Variants in KLHL4 observed in about 807,000 individuals in gnomAD.
KLHL4 encodes kelch like family member 4.
A neutral mutation model predicts 45.8 loss-of-function variants in KLHL4; 17 were observed. The observed-to-expected ratio is 0.37, with a 90% CI of 0.25 to 0.56. The LOEUF (loss-of-function observed/expected upper bound fraction) is 0.56, where lower values mean the gene tolerates loss of function less well. KLHL4 is among the 20% of genes least tolerant of loss of function. The pLI, the probability that KLHL4 is intolerant of heterozygous loss-of-function variation, is 0.79. For missense variants in KLHL4, 544 were observed against 544.9 expected (o/e 1.00, Z 0.02); for synonymous variants, 224 against 189.9 (o/e 1.18, Z -1.47).
rs1271826838 is a variant in KLHL4 at position 87,667,863 on chromosome X, G to A, written c.*1329G>A. ...CTACTAGCTTTTAAGTTTTAAGAAA[G>A]AAGAACGTAAGTTGTACAAAGATAT... On this transcript the variant is annotated 3_prime_UTR_variant, in exon 11 of 11. Transcript: ENST00000373119. 1.2e-5 allele frequency: 8 copies of A among 672,508 alleles called. No homozygotes were observed. The East Asian group carries it at 9.7e-4, about 81-fold the overall frequency. 55.4% of individuals were successfully genotyped at this position (672,508 alleles called of 1,213,427 possible).
At chrX:87,655,623 C>CT (rs941607153) in intron 9 of KLHL4, among the ~76,000 whole-genome samples, 1 of 109,302 alleles carries the variant, frequency 9.1e-6, no homozygotes, top group Non-Finnish European at 1.9e-5. Context: ...TGGTCGGATC[C>CT]TTTTTTTTAA....
chrX:87,522,803 A>G (rs1487299678), intron 1 of KLHL4, among the ~76,000 whole-genome samples: 2 of 112,249 alleles, frequency 1.8e-5, no homozygotes, highest in African/African-American at 6.5e-5. Context: ...ATTTTTAGAG[A>G]TGAAAGCTTT....
At chrX:87,633,667 G>T in intron 7 of KLHL4, 82 bp from the exon 8 acceptor site, 2 of 819,315 alleles carry the variant, frequency 2.4e-6, no homozygotes, top group Non-Finnish European at 3.4e-6. Context: ...AAAAATTTAA[G>T]CAGTTAATTG....
At chrX:87,521,259 A>C (rs1286963777) in intron 1 of KLHL4, among the ~76,000 whole-genome samples, 1 of 112,013 alleles carries the variant, frequency 8.9e-6, no homozygotes, top group Non-Finnish European at 1.9e-5. Context: ...TCCAAGTTTC[A>C]AGTGAGGTTT....
intron 1 of KLHL4, among the ~76,000 whole-genome samples, chrX:87,581,100 A>C (rs1431575380): frequency 8.9e-6 from 1 of 112,498 alleles, no homozygotes; most frequent in Non-Finnish European, 1.9e-5. Context: ...TTGTCAAGGC[A>C]TGGCCAGACT....
In KLHL4 at chrX:87,668,570, T is replaced by A. The variant is rs1274056559; in HGVS notation, c.*2036T>A. On this transcript the variant is annotated 3_prime_UTR_variant, in exon 11 of 11. Coordinates refer to ENST00000373119, the MANE Select transcript of KLHL4 (RefSeq NM_019117.5). ...ACTCATGTTGAAACTTAACTCCTAA[T>A]GTAGCAGTACTGAGAGGCAGGGCCC... 1 of 568,788 alleles carries A rather than the reference T, an allele frequency of 1.8e-6. No homozygotes were observed. The highest frequency in any genetic ancestry group is 2.1e-6 in the Non-Finnish European group (1 of 471,736). 46.9% of individuals were successfully genotyped at this position (568,788 alleles called of 1,213,427 possible).
At chrX:87,619,823 A>G (rs1922688729) in intron 4 of KLHL4, among the ~76,000 whole-genome samples, 1 of 112,266 alleles carries the variant, frequency 8.9e-6, no homozygotes, top group South Asian at 3.6e-4. Context: ...GTTAGTATCT[A>G]TTGTAAATAC....
At chrX:87,606,012 T>A (rs756171280) in intron 1 of KLHL4, among the ~76,000 whole-genome samples, 1 of 111,562 alleles carries the variant, frequency 9.0e-6, no homozygotes, top group South Asian at 3.7e-4. Context: ...TTTGTTTTCT[T>A]AATGCGGTGT....
chrX:87,552,572 C>T (rs866906668), intron 1 of KLHL4, among the ~76,000 whole-genome samples: 5 of 110,446 alleles, frequency 4.5e-5, no homozygotes, highest in Middle Eastern at 4.7e-3. Flanking sequence ...GAGGAAAAGA[C>T]GTTGTTATTC....
At chrX:87,608,634 G>T (rs1922271850) in intron 1 of KLHL4, among the ~76,000 whole-genome samples, 1 of 111,491 alleles carries the variant, frequency 9.0e-6, no homozygotes, top group South Asian at 3.8e-4. Flanking sequence ...GCCTTCTAGT[G>T]AGGCCTTGGC....
At position 87,669,133 on chromosome X, in the gene KLHL4, A is replaced by G; in HGVS notation, c.*2599A>G. On this transcript the variant is annotated 3_prime_UTR_variant, in exon 11 of 11. Transcript: ENST00000373119. ...CTAGTTTAAACAAATGTGTATAGGA[A>G]AGGATGTTATTTATATATTCTTACA... The G allele has an allele frequency of 9.9e-7, 1 of 1,014,999 alleles. No homozygotes were observed. The highest frequency in any genetic ancestry group is 1.9e-5 in the African/African-American group (1 of 51,767). The allele number at this position is 1,014,999 out of a possible 1,213,427, so 83.6% of individuals were successfully genotyped here.
At chrX:87,584,208 C>T (rs751402623) in intron 1 of KLHL4, among the ~76,000 whole-genome samples, 7 of 111,698 alleles carry the variant, frequency 6.3e-5, no homozygotes, top group Middle Eastern at 4.6e-3. Flanking sequence ...CAAGTCCTTT[C>T]GAATATCTGG....
Position 87,669,951 on chromosome X carries a change from A to G in KLHL4, c.*3417A>G, listed in dbSNP as rs1185892000. ...TAATATGTTTAATTAGCTTGATTTAATCATCCCACACTGTATACATATGCC... is the reference window on the plus strand; with the variant it reads ...TAATATGTTTAATTAGCTTGATTTAGTCATCCCACACTGTATACATATGCC... On this transcript the variant is annotated 3_prime_UTR_variant, in exon 11 of 11. Transcript: ENST00000373119. The G allele has an allele frequency of 3.5e-5, 4 of 112,994 alleles. No individual in the cohort carries two copies. The highest frequency in any genetic ancestry group is 5.6e-5 in the Non-Finnish European group (3 of 53,921). The allele number at this position is 112,994 out of a possible 1,213,427, so 9.3% of individuals were successfully genotyped here.
chrX:87,617,836 T>C, intron 3 of KLHL4, 96 bp from the exon 4 acceptor site: 1 of 664,746 alleles, frequency 1.5e-6, no homozygotes. Context: ...ATCATAGCTC[T>C]ACTAGAGAGG....
chrX:87,558,477 G>A (rs5969257), intron 1 of KLHL4, among the ~76,000 whole-genome samples: 27,774 of 110,413 alleles, frequency 0.25, 2,955 homozygotes, highest in East Asian at 0.52. Flanking sequence ...GTATTATTAC[G>A]TGTATATTTA....
intron 1 of KLHL4, among the ~76,000 whole-genome samples, chrX:87,609,542 G>A (rs1033765967): frequency 3.7e-4 from 42 of 112,037 alleles, no homozygotes; most frequent in African/African-American, 1.2e-3. Flanking sequence ...GTGTCTGTTG[G>A]CTGCATAAAT....
intron 9 of KLHL4, among the ~76,000 whole-genome samples, chrX:87,639,570 A>G (rs921216556): frequency 9.0e-6 from 1 of 111,502 alleles, no homozygotes; most frequent in African/African-American, 3.3e-5. Flanking sequence ...CCTCAAAACC[A>G]TGCAAGTACA....
chrX:87,665,747 C>A (rs1267205153), intron 10 of KLHL4, among the ~76,000 whole-genome samples: 1 of 111,682 alleles, frequency 9.0e-6, no homozygotes, highest in African/African-American at 3.3e-5. Context: ...TTTCTACTGA[C>A]TTCATGCTAC....
At chrX:87,602,065 GA>G (rs1159055970) in intron 1 of KLHL4, among the ~76,000 whole-genome samples, 3 of 110,673 alleles carry the variant, frequency 2.7e-5, no homozygotes, top group East Asian at 2.8e-4. Flanking sequence ...ATTAAAAATA[GA>G]AAAAATGTTT....
Sources: gnomAD v4.1 joint callset for allele counts (sites outside exome capture counted in the v4.1 genomes callset) on GRCh38, gnomAD v4.1.1 for gene constraint, MANE v1.5 for transcripts, NCBI Gene and HGNC (gene_info 2026-07-23, HGNC 2026-07-21) for gene names.